CSMD2: variants seen among roughly 807,000 people sequenced by gnomAD.
The protein encoded by CSMD2 is CUB and Sushi multiple domains 2.
A neutral mutation model predicts 398.5 loss-of-function variants in CSMD2; 130 were observed. The observed-to-expected ratio is 0.33, with a 90% CI of 0.28 to 0.38. CSMD2 has a LOEUF of 0.38. Ranked by LOEUF, CSMD2 falls within the 10% of genes least tolerant of loss-of-function variation. CSMD2 has a pLI of 1.00. For missense variants in CSMD2, 3,829 were observed against 4,764.9 expected (o/e 0.80, Z 5.78); for synonymous variants, 1,828 against 1,908.5 (o/e 0.96, Z 1.10).
At chr1:33,595,017 T>A (rs1639746089) in intron 44 of CSMD2, among the ~76,000 whole-genome samples, 1 of 152,226 alleles carries the variant, frequency 6.6e-6, no homozygotes, top group Non-Finnish European at 1.5e-5. Context: ...TTCTCTCACA[T>A]AACCACAAAA....
chr1:33,935,995 C>G (rs1242356305), intron 3 of CSMD2, 41 bp from the exon 4 acceptor site: 1 of 1,560,918 alleles, frequency 6.4e-7, no homozygotes, highest in African/African-American at 1.4e-5. Context: ...ACCCCGTGAG[C>G]TGGGCTGGAG....
chr1:33,913,900 T>A (rs1643590545), intron 5 of CSMD2, among the ~76,000 whole-genome samples: 1 of 152,048 alleles, frequency 6.6e-6, no homozygotes, highest in Admixed American at 6.6e-5. Flanking sequence ...TCTAGTGGCT[T>A]CTCAGGGGGC....
rs532793775 is a variant in CSMD2, at chr1:33,772,904, G to T, written c.1664-153C>A. ...GATTCAACGTTCTTATAAGGAATGAGGTTTGTGAGAAATCCTGCAATGTCC... is the reference window on the plus strand; with the variant it reads ...GATTCAACGTTCTTATAAGGAATGATGTTTGTGAGAAATCCTGCAATGTCC... On this transcript the variant is annotated intron_variant, in intron 12 of 70. Coordinates refer to ENST00000373381, the MANE Select transcript of CSMD2 (RefSeq NM_001281956.2). 1.6e-4 allele frequency among the ~76,000 whole-genome samples: 25 copies of T among 152,280 alleles called. No individual in the cohort carries two copies. The Middle Eastern group carries it at 0.01, about 62-fold the overall frequency.
intron 25 of CSMD2, among the ~76,000 whole-genome samples, chr1:33,685,977 G>A (rs1645051022): frequency 6.6e-6 from 1 of 152,188 alleles, no homozygotes; most frequent in African/African-American, 2.4e-5. Context: ...AGCCTGAATG[G>A]CAGATGGGAA....
intron 12 of CSMD2, among the ~76,000 whole-genome samples, chr1:33,777,210 C>G (rs1400674826): frequency 6.6e-6 from 1 of 152,094 alleles, no homozygotes; most frequent in Non-Finnish European, 1.5e-5. Flanking sequence ...GGTGACTTCA[C>G]GGGAACTCAG....
chr1:33,819,345 T>C (rs909624466), intron 9 of CSMD2, among the ~76,000 whole-genome samples: 1 of 152,180 alleles, frequency 6.6e-6, no homozygotes. Flanking sequence ...GCATGTGTGT[T>C]GTAACAGAGG....
intron 5 of CSMD2, among the ~76,000 whole-genome samples, chr1:33,874,831 G>A (rs898594971): frequency 2.0e-5 from 3 of 152,180 alleles, no homozygotes; most frequent in African/African-American, 4.8e-5. Context: ...GAACAGATGC[G>A]GCTCTGTATT....
chr1:33,573,931 T>C (rs1410501150), intron 49 of CSMD2, among the ~76,000 whole-genome samples: 1 of 152,106 alleles, frequency 6.6e-6, no homozygotes, highest in Non-Finnish European at 1.5e-5. Flanking sequence ...AAAAATGACA[T>C]AACTGTGAAG....
intron 62 of CSMD2, 124 bp from the exon 63 acceptor site, chr1:33,534,031 A>C: frequency 1.6e-6 from 1 of 620,146 alleles, no homozygotes; most frequent in Non-Finnish European, 2.9e-6. Context: ...TCTTTTTCTG[A>C]TTCTCCGCCT....
Position 34,089,126 on chromosome 1 carries a change from G to A in CSMD2, c.255C>T (p.Gly85=), listed in dbSNP as rs1658252785. Residue 85 remains glycine (G), a synonymous_variant, in exon 2 of 71, where the codon GGC becomes GGT. Coordinates refer to ENST00000373381, the MANE Select transcript of CSMD2 (RefSeq NM_001281956.2). ...ACGTGCAGTTGGCGTAATTGGGGTA[G>A]CCATATGGGAACCCTGGGCTCTCAA... is the stretch of plus-strand genomic sequence containing the variant. The part of the protein sequence containing the change: ...GTVESPGFPY[G]YPNYANCTWT... The A allele has an allele frequency of 2.5e-6, 4 of 1,614,080 alleles. No individual in the cohort carries two copies. Among genetic ancestry groups the A allele is most frequent in the Admixed American group, 1.7e-5 (1 of 60,002 alleles).
intron 13 of CSMD2, among the ~76,000 whole-genome samples, chr1:33,746,905 CTG>C: frequency 1.3e-5 from 2 of 152,342 alleles, no homozygotes; most frequent in South Asian, 4.1e-4. Context: ...AGATGGATAC[CTG>C]TGTCAACTCT....
intron 22 of CSMD2, among the ~76,000 whole-genome samples, chr1:33,703,030 A>G (rs1176849061): frequency 6.6e-6 from 1 of 152,092 alleles, no homozygotes; most frequent in Non-Finnish European, 1.5e-5. Flanking sequence ...TCAACTTTCT[A>G]TTCTATTGCA....
At chr1:33,718,400 T>C (rs1480188629) in intron 19 of CSMD2, among the ~76,000 whole-genome samples, 2 of 152,224 alleles carry the variant, frequency 1.3e-5, no homozygotes, top group East Asian at 1.9e-4. Context: ...ATGTCGGAGC[T>C]TGAATCCAGA....
intron 2 of CSMD2, among the ~76,000 whole-genome samples, chr1:34,045,667 C>T (rs1047409274): frequency 1.2e-4 from 19 of 152,160 alleles, no homozygotes; most frequent in African/African-American, 4.6e-4. Flanking sequence ...TGTGGACTCT[C>T]TTTAGAAGCA....
intron 3 of CSMD2, among the ~76,000 whole-genome samples, chr1:33,951,392 C>T (rs1184452926): frequency 6.6e-6 from 1 of 152,236 alleles, no homozygotes; most frequent in African/African-American, 2.4e-5. Flanking sequence ...TATGCTTACA[C>T]TCTACAAAAG....
At chr1:33,749,535 G>T (rs1647921059) in intron 13 of CSMD2, among the ~76,000 whole-genome samples, 1 of 151,860 alleles carries the variant, frequency 6.6e-6, no homozygotes, top group East Asian at 1.9e-4. Flanking sequence ...GTTACCAAAA[G>T]AATAACTGAA....
intron 3 of CSMD2, among the ~76,000 whole-genome samples, chr1:33,996,803 G>A (rs207460075): frequency 6.6e-6 from 1 of 151,828 alleles, no homozygotes; most frequent in Non-Finnish European, 1.5e-5. Flanking sequence ...AGAGGAAGGG[G>A]AGGGAGGGAG....
intron 1 of CSMD2, among the ~76,000 whole-genome samples, chr1:34,095,083 C>G (rs1659120833): frequency 8.8e-6 from 1 of 113,912 alleles, no homozygotes; most frequent in African/African-American, 3.5e-5. Flanking sequence ...TGCAATCAAA[C>G]TAGAACTCAG....
chr1:33,874,464 T>C (rs191730487), intron 5 of CSMD2, among the ~76,000 whole-genome samples: 2 of 152,354 alleles, frequency 1.3e-5, no homozygotes, highest in East Asian at 3.9e-4. Context: ...TTCTGTCCTG[T>C]GTCTCCCTTC....
Sources: gnomAD v4.1 joint callset for allele counts (sites outside exome capture counted in the v4.1 genomes callset) on GRCh38, gnomAD v4.1.1 for gene constraint, MANE v1.5 for transcripts, NCBI Gene and HGNC (gene_info 2026-07-23, HGNC 2026-07-21) for gene names.